MYOCOS: variants seen among roughly 807,000 people sequenced by gnomAD.
The protein encoded by MYOCOS is myocilin opposite strand protein.
At chr1:171,624,057 T>G (rs1652630608) in intron 2 of MYOCOS, 79 bp downstream of exon 2, 1 of 398,506 alleles carries the variant, frequency 2.5e-6, no homozygotes. Flanking sequence ...TGCCTGAAAC[T>G]GTAGCTGGCA....
At chr1:171,608,497 A>G (rs1652295365) in intron 1 of MYOCOS, among the ~76,000 whole-genome samples, 1 of 133,962 alleles carries the variant, frequency 7.5e-6, no homozygotes, top group African/African-American at 2.9e-5. Context: ...GGCTCCCTGC[A>G]AGCTCCGCCT....
At chr1:171,601,961 A>AAT (rs1652150591) in intron 1 of MYOCOS, among the ~76,000 whole-genome samples, 1 of 152,180 alleles carries the variant, frequency 6.6e-6, no homozygotes. Flanking sequence ...GCTAAAAGTT[A>AAT]ACAGTGTAAC....
intron 1 of MYOCOS, among the ~76,000 whole-genome samples, chr1:171,606,451 C>T (rs1407664756): frequency 5.4e-5 from 4 of 74,298 alleles, no homozygotes; most frequent in African/African-American, 2.2e-4. Context: ...GACAGGCAGC[C>T]CGGCACCAGG....
intron 1 of MYOCOS, among the ~76,000 whole-genome samples, chr1:171,605,934 C>G (rs541224889): frequency 6.6e-6 from 1 of 152,320 alleles, no homozygotes; most frequent in Middle Eastern, 3.4e-3. Flanking sequence ...CAGCTCTTGA[C>G]TACTTGCTAG....
At chr1:171,603,765 G>T (rs537727723) in intron 1 of MYOCOS, among the ~76,000 whole-genome samples, 1 of 152,358 alleles carries the variant, frequency 6.6e-6, no homozygotes, top group African/African-American at 2.4e-5. Flanking sequence ...AAGGCCAGTG[G>T]CCTATCTCTC....
chr1:171,609,537 T>A (rs1418005220), intron 1 of MYOCOS, among the ~76,000 whole-genome samples: 2 of 152,216 alleles, frequency 1.3e-5, no homozygotes, highest in African/African-American at 4.8e-5. Context: ...AGTGGGTCAC[T>A]GGGAATGATG....
intron 2 of MYOCOS, among the ~76,000 whole-genome samples, chr1:171,624,593 C>T (rs959474457): frequency 5.9e-5 from 9 of 152,004 alleles, no homozygotes; most frequent in Admixed American, 1.3e-4. Context: ...CCCGCCACGA[C>T]GCCCGGCTAA....
At chr1:171,620,805 T>C (rs1398475384), upstream of MYOCOS, among the ~76,000 whole-genome samples, 3 of 142,700 alleles carry the variant, frequency 2.1e-5, no homozygotes, top group Admixed American at 1.5e-4. Context: ...CGGAGTCTCG[T>C]TCTGTTGCCA....
intron 2 of MYOCOS, among the ~76,000 whole-genome samples, chr1:171,625,464 T>C (rs1652675790): frequency 6.6e-6 from 1 of 152,210 alleles, no homozygotes; most frequent in Admixed American, 6.5e-5. Flanking sequence ...AGATTTAATG[T>C]GGGGGCTGAG....
rs374424872 is a variant in MYOCOS, at chr1:171,615,866, GTGTC to G, written c.-44+864_-44+867del. Among the ~76,000 whole-genome samples, 490 of 152,300 alleles carry G rather than the reference GTGTC, an allele frequency of 3.2e-3. 3 individuals carry two copies. The highest frequency in any genetic ancestry group is 0.011 in the African/African-American group (468 of 41,580). On this transcript the variant is annotated intron_variant, in intron 2 of 3. Transcript: ENST00000636697. The stretch of plus-strand genomic sequence containing the variant: ...ATAAAGCCCTTCCTTCTACAACTCA[GTGTC>G]TGAGAGGTTTTGTCTGTGGCTCGTC...
intron 1 of MYOCOS, among the ~76,000 whole-genome samples, chr1:171,607,093 CAAA>C (rs35353881): frequency 1.5e-5 from 1 of 66,808 alleles, no homozygotes; most frequent in Non-Finnish European, 3.0e-5. Flanking sequence ...GACTCTGTCT[CAAA>C]AAAAAAAAAA....
chr1:171,605,606 A>G (rs756657730), intron 1 of MYOCOS, among the ~76,000 whole-genome samples: 7 of 152,134 alleles, frequency 4.6e-5, no homozygotes, highest in Non-Finnish European at 8.8e-5. Context: ...CCATTAAGCC[A>G]TCTTTCTTCT....
At chr1:171,621,520 CA>C (rs1365670044), upstream of MYOCOS, among the ~76,000 whole-genome samples, 2 of 151,796 alleles carry the variant, frequency 1.3e-5, no homozygotes, top group African/African-American at 4.8e-5. Flanking sequence ...GGACTACAGG[CA>C]CCCGCCACCA....
chr1:171,625,190 G>A (rs235857), intron 2 of MYOCOS, among the ~76,000 whole-genome samples: 28,713 of 152,078 alleles, frequency 0.19, 3,307 homozygotes, highest in East Asian at 0.33. Context: ...GTGAGAGTGG[G>A]CATTGTCTGC....
At chr1:171,605,766 A>G (rs1200547634) in intron 1 of MYOCOS, among the ~76,000 whole-genome samples, 2 of 152,218 alleles carry the variant, frequency 1.3e-5, no homozygotes, top group Non-Finnish European at 2.9e-5. Context: ...CTTAGGCACA[A>G]GATGGCTCAT....
intron 1 of MYOCOS, among the ~76,000 whole-genome samples, chr1:171,611,340 C>T (rs546685913): frequency 1.3e-5 from 2 of 152,268 alleles, no homozygotes; most frequent in South Asian, 4.1e-4. Flanking sequence ...TTAGGCCCTA[C>T]TTGTGCACAA....
chr1:171,619,730 A>G (rs1652518478), upstream of MYOCOS, among the ~76,000 whole-genome samples: 2 of 151,648 alleles, frequency 1.3e-5, no homozygotes, highest in African/African-American at 4.8e-5. Flanking sequence ...CCAGCTACTC[A>G]GGAGGCTGAG....
chr1:171,621,155 C>A (rs189018052), upstream of MYOCOS, among the ~76,000 whole-genome samples: 29 of 152,248 alleles, frequency 1.9e-4, 1 homozygote, highest in East Asian at 5.2e-3. Flanking sequence ...CCAACTTGGG[C>A]ACGTGTTCTC....
At chr1:171,605,785 C>T (rs190652015) in intron 1 of MYOCOS, among the ~76,000 whole-genome samples, 8 of 152,140 alleles carry the variant, frequency 5.3e-5, no homozygotes, top group Non-Finnish European at 1.0e-4. Flanking sequence ...ATAAGGATAT[C>T]GAACCCCCAT....
Sources: gnomAD v4.1 joint callset for allele counts (sites outside exome capture counted in the v4.1 genomes callset) on GRCh38, gnomAD v4.1.1 for gene constraint, MANE v1.5 for transcripts, NCBI Gene and HGNC (gene_info 2026-07-23, HGNC 2026-07-21) for gene names.